AIFM1: variants seen among roughly 807,000 people sequenced by gnomAD.
AIFM1 encodes the protein apoptosis-inducing factor 1, mitochondrial.
AIFM1 carries 3 observed loss-of-function variants against 51.7 expected under a neutral mutation model. That is an observed-to-expected ratio of 0.06 (90% CI 0.03 to 0.15). The LOEUF (loss-of-function observed/expected upper bound fraction) is 0.15, where lower values mean the gene tolerates loss of function less well. Among genes scored for constraint, AIFM1 ranks in the 10% least tolerant of loss-of-function variants. The probability of loss-of-function intolerance (pLI) is 1.00; values close to 1 mark genes in which losing one functional copy is unlikely to be tolerated. For missense variants in AIFM1, 330 were observed against 476.8 expected (o/e 0.69, Z 2.87); for synonymous variants, 178 against 179.4 (o/e 0.99, Z 0.06).
chrX:130,152,749 A>G (rs926543486), intron 2 of AIFM1, among the ~76,000 whole-genome samples: 2 of 111,963 alleles, frequency 1.8e-5, no homozygotes, highest in Non-Finnish European at 3.8e-5. Flanking sequence ...CTCTCACATC[A>G]ATGCGAATCA....
chrX:130,141,650 T>C (rs2030583153), intron 6 of AIFM1, among the ~76,000 whole-genome samples: 1 of 111,272 alleles, frequency 9.0e-6, no homozygotes, highest in Non-Finnish European at 1.9e-5. Flanking sequence ...GTACTTTCAT[T>C]CTCTTCTGAG....
rs1032249535 is a variant in AIFM1 at position 130,156,572 on chromosome X, T to C, written c.138A>G (p.Leu46=). 2 of 1,209,929 alleles carry C rather than the reference T, an allele frequency of 1.7e-6. No homozygotes were observed. The highest frequency in any genetic ancestry group is 1.7e-5 in the African/African-American group (1 of 57,156). ...GNLFQRWHVP[L]ELQMTRQMAS... is the part of the protein sequence containing the mutation. ...CCATTTGTCTTGTCATCTGGAGTTCTAGAGGAACATGCCATCGCTGGAACA... is the reference window on the plus strand; with the variant it reads ...CCATTTGTCTTGTCATCTGGAGTTCCAGAGGAACATGCCATCGCTGGAACA... Residue 46 remains leucine (L), a synonymous_variant, in exon 2 of 16, where the codon CTA becomes CTG. Transcript: ENST00000287295.
At position 130,130,026 on chromosome X, in the gene AIFM1, C is replaced by T; in HGVS notation, c.1714G>A (p.Val572Met). ...KGVIFYLRDK[V>M]VVGIVLWNIF... is the part of the protein sequence containing the mutation. ...TTCCATAGCACAATCCCCACGACCACTTTGTCCCTGAGGTAGAAGATGACA... is the reference window on the plus strand; with the variant it reads ...TTCCATAGCACAATCCCCACGACCATTTTGTCCCTGAGGTAGAAGATGACA... The change falls in exon 15 of 16, where the codon GTG (valine) becomes ATG (methionine). Residue 572 changes from valine (V) to methionine (M), a missense_variant. Physicochemically the swap from Val to Met is conservative, Grantham distance 21. Around this residue, in one of 4 missense-constraint regions of AIFM1, gnomAD observed 56 missense variants for 48.8 expected, o/e 1.15. Coordinates refer to ENST00000287295, the MANE Select transcript of AIFM1 (RefSeq NM_004208.4). 1 of 1,211,890 alleles carries T rather than the reference C, an allele frequency of 8.3e-7. No individual in the cohort carries two copies. The highest frequency in any genetic ancestry group is 1.1e-6 in the Non-Finnish European group (1 of 895,572).
At chrX:130,159,027 A>G (rs759710983) in intron 1 of AIFM1, among the ~76,000 whole-genome samples, 4 of 111,946 alleles carry the variant, frequency 3.6e-5, no homozygotes, top group Non-Finnish European at 3.8e-5. Flanking sequence ...ACTTTGAATT[A>G]TCTGGTCTTA....
intron 3 of AIFM1, 182 bp from the exon 4 acceptor site, chrX:130,148,058 C>A: frequency 1.9e-6 from 1 of 538,848 alleles, no homozygotes; most frequent in Non-Finnish European, 3.1e-6. Context: ...AGCAAGTATC[C>A]CTTTCATTTC....
chrX:130,131,391 TC>T (rs1473828175), intron 14 of AIFM1, among the ~76,000 whole-genome samples: 1 of 112,592 alleles, frequency 8.9e-6, no homozygotes, highest in East Asian at 2.8e-4. Flanking sequence ...AGAAAGGTCT[TC>T]CCAGAGACAC....
intron 2 of AIFM1, among the ~76,000 whole-genome samples, chrX:130,154,022 G>A (rs1197651535): frequency 8.9e-6 from 1 of 112,192 alleles, no homozygotes; most frequent in African/African-American, 3.2e-5. Flanking sequence ...AAAAAACTAA[G>A]CCACCTCAGA....
In AIFM1 at chrX:130,129,958, A is replaced by G. The variant is rs781186692; in HGVS notation, c.1770+12T>C. ...TTCCCATCTTCCTCTAAGAGTTATG[A>G]CAGGCACCTACCTTCCTTGCTATTG... On this transcript the variant is annotated intron_variant, in intron 15 of 15. Coordinates refer to ENST00000287295, the MANE Select transcript of AIFM1 (RefSeq NM_004208.4). 80 of 1,209,102 alleles carry G rather than the reference A, an allele frequency of 6.6e-5. No individual in the cohort carries two copies. Among genetic ancestry groups the G allele is most frequent in the Non-Finnish European group, 8.3e-5 (74 of 894,176 alleles).
chrX:130,146,116 C>T (rs1417854804), intron 5 of AIFM1, among the ~76,000 whole-genome samples: 1 of 111,512 alleles, frequency 9.0e-6, no homozygotes, highest in Admixed American at 9.6e-5. Flanking sequence ...CAGTTATCAA[C>T]TATGATATAT....
At position 130,165,422 on chromosome X, in the gene AIFM1, C is replaced by T. The variant is rs183938523; in HGVS notation, c.106+129G>A. On this transcript the variant is annotated intron_variant, in intron 1 of 15. Transcript: ENST00000287295. The stretch of plus-strand genomic sequence containing the variant: ...TGCAAGACTCAGGGTTCGGAGTCTG[C>T]CAATTTGGAATTCACGTGACTATGT... The T allele has an allele frequency of 1.0e-3, 591 of 590,461 alleles. 5 individuals carry two copies. In the African/African-American group the frequency reaches 0.012, roughly 12 times the overall value. 48.7% of individuals were successfully genotyped at this position (590,461 alleles called of 1,213,427 possible).
chrX:130,148,921 A>C, intron 3 of AIFM1, among the ~76,000 whole-genome samples: 1 of 68,562 alleles, frequency 1.5e-5, no homozygotes, highest in Non-Finnish European at 2.6e-5. Context: ...CTTTTAAGAG[A>C]CTTTTTTTTT....
chrX:130,129,407 G>T lies in AIFM1; in HGVS notation c.*150C>A. On this transcript the variant is annotated 3_prime_UTR_variant, in exon 16 of 16. Transcript: ENST00000287295. ...ATTTATTTCACTATGTGAACATTAA[G>T]AATTTACCTACATAGTTGAAAATAT... The T allele has an allele frequency of 3.9e-6, 2 of 515,558 alleles. No individual in the cohort carries two copies. Among genetic ancestry groups the T allele is most frequent in the South Asian group, 5.4e-5 (2 of 37,044 alleles). 42.5% of individuals were successfully genotyped at this position (515,558 alleles called of 1,213,427 possible). A position where few individuals can be genotyped will look rare whatever the true frequency, so the allele number is the denominator to read the frequency against.
chrX:130,151,765 G>T (rs756523467), intron 2 of AIFM1, among the ~76,000 whole-genome samples: 6 of 112,217 alleles, frequency 5.3e-5, no homozygotes, highest in African/African-American at 1.9e-4. Context: ...CTTTAGCCAG[G>T]CGCAGTGGCT....
At chrX:130,156,750 A>T in intron 1 of AIFM1, 147 bp from the exon 2 acceptor site, 1 of 654,046 alleles carries the variant, frequency 1.5e-6, no homozygotes. Context: ...TCAAAACTGC[A>T]TATATAAATA....
At chrX:130,156,668 T>C (rs2124673882) in intron 1 of AIFM1, 65 bp from the exon 2 acceptor site, 4 of 1,123,586 alleles carry the variant, frequency 3.6e-6, no homozygotes, top group Admixed American at 2.2e-5. Context: ...ATATTTATGA[T>C]TAAATGTCAA....
chrX:130,147,755 G>A lies in AIFM1; in HGVS notation c.471C>T (p.Ala157=). The A allele has an allele frequency of 8.3e-7, 1 of 1,211,773 alleles. No individual in the cohort carries two copies. Among genetic ancestry groups the A allele is most frequent in the Non-Finnish European group, 1.1e-6 (1 of 895,556 alleles). ...AGCAAAAAAACATGCACCTTACCCT[G>A]GCCCCAGGATCCCGAGCCCGGATGG... ...ARSIRARDPG[A]RVLIVSEDPE... The change falls in exon 4 of 16, where the codon GCC becomes GCT. Residue 157 remains alanine, a synonymous_variant. Coordinates refer to ENST00000287295, the MANE Select transcript of AIFM1 (RefSeq NM_004208.4).
In AIFM1 at chrX:130,130,076, A is replaced by G. The variant is rs951798748; in HGVS notation, c.1664T>C (p.Val555Ala). Residue 555 changes from valine to alanine, a missense_variant, in exon 15 of 16, where the codon GTC becomes GCC. Val to Ala is a moderately conservative substitution (Grantham distance 64, BLOSUM62 0). Coordinates refer to ENST00000287295, the MANE Select transcript of AIFM1 (RefSeq NM_004208.4). The part of the protein sequence containing the change: ...PSTPAVPQAP[V>A]QGEDYGKGVI... ...ACCTTTGCCGTAGTCCTCCCCCTGG[A>G]CGGGAGCCTGTGGAACTGCCGGGGT... 4 of 1,209,946 alleles carry G rather than the reference A, an allele frequency of 3.3e-6. No individual in the cohort carries two copies. Among genetic ancestry groups the G allele is most frequent in the Non-Finnish European group, 4.5e-6 (4 of 895,212 alleles).
chrX:130,160,666 C>T (rs1374199518), intron 1 of AIFM1, among the ~76,000 whole-genome samples: 1 of 111,756 alleles, frequency 8.9e-6, no homozygotes, highest in Non-Finnish European at 1.9e-5. Context: ...GATCCTTCCA[C>T]CTTAGCCTCC....
At chrX:130,144,739 T>C (rs1172873876) in intron 6 of AIFM1, among the ~76,000 whole-genome samples, 1 of 112,447 alleles carries the variant, frequency 8.9e-6, no homozygotes, top group East Asian at 2.8e-4. Flanking sequence ...TATTTATGTT[T>C]CTGCCTAATA....
Sources: allele counts gnomAD v4.1 joint callset (sites outside exome capture counted in the v4.1 genomes callset), GRCh38; gene constraint gnomAD v4.1.1; regional missense constraint gnomAD v4.1.1; transcripts MANE v1.5; gene names NCBI Gene and HGNC (gene_info 2026-07-23, HGNC 2026-07-21).